The following PCDH11X variants were observed in gnomAD, a reference collection of about 807,000 sequenced individuals.
PCDH11X encodes protocadherin 11 X-linked.
A neutral mutation model predicts 53.3 loss-of-function variants in PCDH11X; 18 were observed. The ratio of observed to expected loss-of-function variants is 0.34; its 90% CI spans 0.23 to 0.50. The LOEUF (loss-of-function observed/expected upper bound fraction) is 0.50. Among genes scored for constraint, PCDH11X ranks in the 20% least tolerant of loss-of-function variants. PCDH11X has a pLI of 0.98. For missense variants in PCDH11X, 570 were observed against 1,032.4 expected, an observed-to-expected ratio of 0.55 and a Z score of 6.14; for synonymous variants, 279 against 393.3, an observed-to-expected ratio of 0.71 and a Z score of 3.44.
At chrX:92,568,422 C>CAA (rs759874029) in intron 10 of PCDH11X, among the ~76,000 whole-genome samples, 4 of 80,166 alleles carry the variant, frequency 5.0e-5, no homozygotes, top group African/African-American at 1.8e-4. Context: ...ACTCTGTCTC[C>CAA]AAAAAAAAAA....
intron 6 of PCDH11X, among the ~76,000 whole-genome samples, chrX:91,938,806 C>T (rs1489196036): frequency 9.0e-6 from 1 of 110,686 alleles, no homozygotes; most frequent in African/African-American, 3.3e-5. Context: ...TAATTAGCCC[C>T]TAGATGAAGC....
At chrX:92,420,618 C>A in intron 9 of PCDH11X, 2 of 276,971 alleles carry the variant, frequency 7.2e-6, no homozygotes, top group Non-Finnish European at 6.9e-6. Flanking sequence ...TTTTAAGATA[C>A]CATCTCACTA....
chrX:92,271,488 G>C (rs777401164), intron 8 of PCDH11X, among the ~76,000 whole-genome samples: 2 of 111,922 alleles, frequency 1.8e-5, no homozygotes, highest in East Asian at 5.6e-4. Context: ...CAAAGGTCCC[G>C]TTACAGATTT....
chrX:92,224,369 T>G (rs1292516311), intron 7 of PCDH11X, among the ~76,000 whole-genome samples: 1 of 111,977 alleles, frequency 8.9e-6, no homozygotes, highest in Non-Finnish European at 1.9e-5. Context: ...TTAAATAGAC[T>G]TTTTTGATCC....
At chrX:92,003,957 C>T (rs1054345246) in intron 6 of PCDH11X, among the ~76,000 whole-genome samples, 5 of 109,180 alleles carry the variant, frequency 4.6e-5, no homozygotes, top group African/African-American at 1.7e-4. Flanking sequence ...TTTTCTAGTT[C>T]TTTAAGATGG....
intron 10 of PCDH11X, among the ~76,000 whole-genome samples, chrX:92,474,310 C>T: frequency 9.1e-6 from 1 of 110,373 alleles, no homozygotes; most frequent in Middle Eastern, 5.0e-3. Flanking sequence ...TATCTTTTAC[C>T]ATCTGTTTAT....
At chrX:91,979,061 A>G (rs2062086761) in intron 6 of PCDH11X, among the ~76,000 whole-genome samples, 1 of 111,865 alleles carries the variant, frequency 8.9e-6, no homozygotes, top group South Asian at 3.7e-4. Flanking sequence ...AATGCATTGT[A>G]AAACTATTTT....
chrX:91,913,808 C>T (rs1941465589), intron 6 of PCDH11X, among the ~76,000 whole-genome samples: 1 of 110,338 alleles, frequency 9.1e-6, no homozygotes, highest in East Asian at 2.9e-4. Flanking sequence ...CAGGCCATTA[C>T]AGCAACTCAG....
At chrX:92,033,850 A>G (rs2063089481) in intron 6 of PCDH11X, among the ~76,000 whole-genome samples, 1 of 107,718 alleles carries the variant, frequency 9.3e-6, no homozygotes, top group African/African-American at 3.4e-5. Flanking sequence ...ATGTATTTGA[A>G]GTTTTTCTTT....
chrX:92,160,871 C>T (rs1014166466), intron 6 of PCDH11X, among the ~76,000 whole-genome samples: 11 of 110,184 alleles, frequency 1.0e-4, no homozygotes, highest in Admixed American at 2.9e-4. Flanking sequence ...GCCATTCTTG[C>T]GGGAGTAAGG....
At chrX:91,882,350 A>G (rs1369322837) in intron 6 of PCDH11X, among the ~76,000 whole-genome samples, 4 of 109,884 alleles carry the variant, frequency 3.6e-5, no homozygotes, top group Non-Finnish European at 5.7e-5. Flanking sequence ...TAGAGAAACC[A>G]TAAGTATAAA....
At chrX:92,024,365 C>T (rs759012546) in intron 6 of PCDH11X, among the ~76,000 whole-genome samples, 17 of 110,528 alleles carry the variant, frequency 1.5e-4, no homozygotes, top group Middle Eastern at 4.7e-3. Context: ...TCCTATACAA[C>T]GACAACAGAC....
At chrX:92,490,480 T>A (rs1002334783) in intron 10 of PCDH11X, among the ~76,000 whole-genome samples, 1 of 111,313 alleles carries the variant, frequency 9.0e-6, no homozygotes, top group Non-Finnish European at 1.9e-5. Flanking sequence ...GATGAAGTTA[T>A]GCACATCTAG....
intron 6 of PCDH11X, among the ~76,000 whole-genome samples, chrX:92,124,326 C>A (rs1476329167): frequency 9.1e-6 from 1 of 109,901 alleles, no homozygotes; most frequent in Non-Finnish European, 1.9e-5. Context: ...GCGGGCGGAT[C>A]ACCTGAAATT....
chrX:92,111,219 T>TAAAAAAAAAAAAAAAAA lies in PCDH11X; in HGVS notation c.3034-90140_3034-90124dup, dbSNP rs771823629. 9.1e-4 allele frequency among the ~76,000 whole-genome samples: 18 copies of TAAAAAAAAAAAAAAAAA among 19,817 alleles called. 1 individual carries two copies. Among genetic ancestry groups the TAAAAAAAAAAAAAAAAA allele is most frequent in the East Asian group, 0.012 (2 of 173 alleles). 17.2% of individuals were successfully genotyped at this position (19,817 alleles called of 115,157 possible). A position where few individuals can be genotyped will look rare whatever the true frequency, so the allele number is the denominator to read the frequency against. ...GAGCTGGATTTGAATCACCTAACGCTAAAAAAAAAAAAAAAAAAAAAAAAA... is the reference window on the plus strand; with the variant it reads ...GAGCTGGATTTGAATCACCTAACGCTAAAAAAAAAAAAAAAAAAAAAAAAAAAAAAAAAAAAAAAAAA... On this transcript the variant is annotated intron_variant, in intron 6 of 10. Coordinates refer to ENST00000682573, the MANE Select transcript of PCDH11X (RefSeq NM_032968.5).
intron 9 of PCDH11X, among the ~76,000 whole-genome samples, chrX:92,437,837 T>C (rs978430641): frequency 9.1e-6 from 1 of 109,945 alleles, no homozygotes; most frequent in Non-Finnish European, 1.9e-5. Flanking sequence ...TAAGCCCTAA[T>C]ATGACTAAAC....
chrX:92,004,976 A>G (rs751703126), intron 6 of PCDH11X, among the ~76,000 whole-genome samples: 32 of 109,463 alleles, frequency 2.9e-4, no homozygotes, highest in African/African-American at 1.0e-3. Flanking sequence ...GGGTTTCACC[A>G]TGTTAGCCAG....
At chrX:92,326,722 T>C (rs1273104904) in intron 8 of PCDH11X, among the ~76,000 whole-genome samples, 2 of 81,459 alleles carry the variant, frequency 2.5e-5, no homozygotes, top group Non-Finnish European at 4.5e-5. Context: ...TTAGGAATTT[T>C]TATTTTCTGT....
intron 8 of PCDH11X, among the ~76,000 whole-genome samples, chrX:92,356,836 TC>T (rs985885691): frequency 7.4e-5 from 8 of 107,440 alleles, no homozygotes; most frequent in African/African-American, 2.7e-4. Context: ...TAAAGTGAAA[TC>T]ATCTTTACAC....
Sources: gnomAD v4.1 joint callset for allele counts (sites outside exome capture counted in the v4.1 genomes callset) on GRCh38, gnomAD v4.1.1 for gene constraint, MANE v1.5 for transcripts, NCBI Gene and HGNC (gene_info 2026-07-23, HGNC 2026-07-21) for gene names.